The following MALRD1 variants were observed in gnomAD, a reference collection of about 807,000 sequenced individuals.
MALRD1 encodes MAM and LDL receptor class A domain containing 1, also known as MAM and LDL-receptor class A domain-containing protein 1.
In MALRD1, 247 loss-of-function variants were observed where a neutral mutation model predicts 242.1. That is an observed-to-expected ratio of 1.02 (90% CI 0.92 to 1.13). The LOEUF is 1.13. MALRD1 is among the 50% of genes most tolerant of loss of function. The pLI is 0.00. For synonymous variants in MALRD1, 995 were observed against 866.6 expected (o/e 1.15, Z -2.60); for missense variants, 2,989 against 2,533.1 (o/e 1.18, Z -3.86).
At chr10:19,106,371 AC>A (rs1470889273) in intron 5 of MALRD1, among the ~76,000 whole-genome samples, 1 of 151,298 alleles carries the variant, frequency 6.6e-6, no homozygotes, top group Non-Finnish European at 1.5e-5. Flanking sequence ...TCTTTCTTCA[AC>A]TTTAGTAGGT....
chr10:19,639,460 T>G (rs1324869250), intron 36 of MALRD1, among the ~76,000 whole-genome samples: 1 of 152,162 alleles, frequency 6.6e-6, no homozygotes, highest in African/African-American at 2.4e-5. Context: ...TTTCCTCAGT[T>G]CACACCATAC....
chr10:19,070,231 A>T (rs929754801), intron 2 of MALRD1, among the ~76,000 whole-genome samples: 2 of 152,174 alleles, frequency 1.3e-5, no homozygotes, highest in Non-Finnish European at 2.9e-5. Context: ...TTGAAAATGC[A>T]TTTAATACAC....
chr10:19,706,620 A>G (rs962137445), intron 38 of MALRD1, among the ~76,000 whole-genome samples: 17 of 152,186 alleles, frequency 1.1e-4, no homozygotes, highest in African/African-American at 4.1e-4. Context: ...CTAAAGTGCT[A>G]GGATTACAGG....
At chr10:19,238,476 A>ATGTATATTATATATTATATATAT (rs1838552290) in intron 18 of MALRD1, among the ~76,000 whole-genome samples, 10 of 22,644 alleles carry the variant, frequency 4.4e-4, no homozygotes, top group African/African-American at 8.1e-4. Context: ...ATAATATATA[A>ATGTATATTATATATTATATATAT]TATACATTAT....
At chr10:19,113,488 C>T (rs1223877738) in intron 5 of MALRD1, among the ~76,000 whole-genome samples, 1 of 151,408 alleles carries the variant, frequency 6.6e-6, no homozygotes, top group Admixed American at 6.6e-5. Context: ...CCCTATACTC[C>T]CCACCTTCTC....
chr10:19,283,674 G>A (rs1840940524), intron 21 of MALRD1, among the ~76,000 whole-genome samples: 1 of 152,066 alleles, frequency 6.6e-6, no homozygotes, highest in African/African-American at 2.4e-5. Context: ...CAACATAGGT[G>A]AAAAGATTTT....
At chr10:19,627,856 C>T (rs934494944) in intron 36 of MALRD1, among the ~76,000 whole-genome samples, 1 of 150,082 alleles carries the variant, frequency 6.7e-6, no homozygotes, top group Non-Finnish European at 1.5e-5. Context: ...AGGGATTAGT[C>T]ATAATATATA....
intron 1 of MALRD1, among the ~76,000 whole-genome samples, chr10:19,057,402 G>T (rs1056522721): frequency 6.6e-6 from 1 of 152,006 alleles, no homozygotes; most frequent in Non-Finnish European, 1.5e-5. Flanking sequence ...CACCTCTCCC[G>T]TGGCTGTTCT....
At chr10:19,729,544 CCTTT>C (rs1298905788) in intron 38 of MALRD1, among the ~76,000 whole-genome samples, 1 of 147,544 alleles carries the variant, frequency 6.8e-6, no homozygotes, top group African/African-American at 2.5e-5. Context: ...TGTATAGGAT[CCTTT>C]CTTATGTGTG....
At chr10:19,686,135 C>T (rs1452971203) in intron 36 of MALRD1, among the ~76,000 whole-genome samples, 1 of 151,766 alleles carries the variant, frequency 6.6e-6, no homozygotes, top group African/African-American at 2.4e-5. Flanking sequence ...AGTTTTAGAG[C>T]AGGAGTGAAA....
chr10:19,633,306 C>T (rs529601452), intron 36 of MALRD1, among the ~76,000 whole-genome samples: 21 of 152,242 alleles, frequency 1.4e-4, no homozygotes, highest in African/African-American at 4.8e-4. Flanking sequence ...GTTTCACGCC[C>T]CCTCATTGGA....
At chr10:19,417,579 C>T (rs1057383944) in intron 28 of MALRD1, among the ~76,000 whole-genome samples, 2 of 152,096 alleles carry the variant, frequency 1.3e-5, no homozygotes, top group Non-Finnish European at 2.9e-5. Context: ...AACAAATTTA[C>T]TCTTAAGTAA....
Position 19,066,718 on chromosome 10 carries a change from G to A in MALRD1, c.200-1G>A. On this transcript the variant is annotated splice_acceptor_variant, in intron 1 of 39. Coordinates refer to ENST00000454679, the MANE Select transcript of MALRD1 (RefSeq NM_001142308.3). LOFTEE classifies it high-confidence loss of function. ...AACCAACTTTTCTTCTTTCTCATTA[G>A]GTTTGAATTATGAAAGATGTGATTT... 8.1e-7 allele frequency: 1 copy of A among 1,233,532 alleles called. No individual in the cohort carries two copies. The highest frequency in any genetic ancestry group is 1.0e-6 in the Non-Finnish European group (1 of 987,954). 76.4% of individuals were successfully genotyped at this position (1,233,532 alleles called of 1,614,324 possible). A position where few individuals can be genotyped will look rare whatever the true frequency, so the allele number is the denominator to read the frequency against.
At position 19,136,473 on chromosome 10, in the gene MALRD1, C is replaced by A. The variant is rs968140234; in HGVS notation, c.1204-101C>A. 46 of 639,358 alleles carry A rather than the reference C, an allele frequency of 7.2e-5. No homozygotes were observed. The African/African-American group carries it at 8.2e-4, about 11-fold the overall frequency. The allele number at this position is 639,358 out of a possible 1,614,324, so 39.6% of individuals were successfully genotyped here. Reference sequence around the variant, plus strand: ...TATATATTGCCTTGGTTGCTTTAAACACTTTTTCTCAATAACTACTTTGTC... The same window carrying A: ...TATATATTGCCTTGGTTGCTTTAAAAACTTTTTCTCAATAACTACTTTGTC... On this transcript the variant is annotated intron_variant, in intron 9 of 39. Transcript: ENST00000454679.
At chr10:19,661,610 A>G (rs1055812995) in intron 36 of MALRD1, among the ~76,000 whole-genome samples, 2 of 152,024 alleles carry the variant, frequency 1.3e-5, no homozygotes, top group African/African-American at 2.4e-5. Context: ...ACAGGAAGGG[A>G]AGCATCACAC....
intron 11 of MALRD1, among the ~76,000 whole-genome samples, chr10:19,154,752 C>A (rs545180268): frequency 2.0e-5 from 3 of 152,034 alleles, no homozygotes; most frequent in Admixed American, 6.5e-5. Flanking sequence ...TTCATAAGGG[C>A]CTGTTGAATA....
At chr10:19,230,126 G>C (rs2131692570) in intron 18 of MALRD1, among the ~76,000 whole-genome samples, 1 of 152,184 alleles carries the variant, frequency 6.6e-6, no homozygotes, top group South Asian at 2.1e-4. Context: ...TTCGCCTTCT[G>C]CTATAATTGT....
chr10:19,534,181 G>A lies in MALRD1; in HGVS notation c.5478+2830G>A, dbSNP rs73595828. Among the ~76,000 whole-genome samples the A allele has an allele frequency of 6.2e-3, 939 of 152,234 alleles. 9 individuals are homozygous for A. The highest frequency in any genetic ancestry group is 0.019 in the African/African-American group (789 of 41,546). On this transcript the variant is annotated intron_variant, in intron 32 of 39. Coordinates refer to ENST00000454679, the MANE Select transcript of MALRD1 (RefSeq NM_001142308.3). ...GTTACTTGCTACTGAAAAAGCCCTC[G>A]CCATTACAGAAACTCAGCAAAAACT...
At chr10:19,608,171 A>G (rs770306734) in intron 35 of MALRD1, among the ~76,000 whole-genome samples, 14 of 152,130 alleles carry the variant, frequency 9.2e-5, no homozygotes, top group Non-Finnish European at 1.6e-4. Flanking sequence ...GTAATTTAAG[A>G]TTATTAGCAT....
Sources: gnomAD v4.1 joint callset for allele counts (sites outside exome capture counted in the v4.1 genomes callset) on GRCh38, gnomAD v4.1.1 for gene constraint, MANE v1.5 for transcripts, NCBI Gene and HGNC (gene_info 2026-07-23, HGNC 2026-07-21) for gene names.